Variants in PLCH2 observed in about 807,000 individuals in gnomAD.
PLCH2 encodes the protein 1-phosphatidylinositol 4,5-bisphosphate phosphodiesterase eta-2.
A neutral mutation model predicts 134.7 loss-of-function variants in PLCH2; 98 were observed. The ratio of observed to expected loss-of-function variants is 0.73; its 90% CI spans 0.62 to 0.86. The LOEUF (loss-of-function observed/expected upper bound fraction) is 0.86. PLCH2 is among the 40% of genes least tolerant of loss of function. The pLI is 0.00. For missense variants in PLCH2, 1,994 were observed against 1,986.6 expected (o/e 1.00, Z -0.07); for synonymous variants, 974 against 827.5 (o/e 1.18, Z -3.04).
upstream of PLCH2, among the ~76,000 whole-genome samples, chr1:2,466,239 C>T (rs887996195): frequency 9.2e-5 from 14 of 152,130 alleles, no homozygotes; most frequent in Non-Finnish European, 1.9e-4. Flanking sequence ...GCAGCTGTGC[C>T]CAGCCAGGCG....
Position 2,491,217 on chromosome 1 carries a change from A to G in PLCH2, c.1541A>G (p.Glu514Gly). 1 of 1,613,040 alleles carries G rather than the reference A, an allele frequency of 6.2e-7. No homozygotes were observed. Among genetic ancestry groups the G allele is most frequent in the Non-Finnish European group, 8.5e-7 (1 of 1,179,758 alleles). Residue 514 changes from glutamate to glycine, a missense_variant, in exon 11 of 22, where the codon GAA becomes GGA. By Grantham distance (98) the Glu-to-Gly change is moderately conservative. Coordinates refer to ENST00000378486, the MANE Select transcript of PLCH2 (RefSeq NM_014638.4). ...GCATCCACCAATCGAAAGCGTGTAG[A>G]AAACACTGCTAAGAGGAAACTGGAT... is the stretch of plus-strand genomic sequence containing the variant. ...GDASTNRKRV[E>G]NTAKRKLDSL...
intron 2 of PLCH2, among the ~76,000 whole-genome samples, chr1:2,440,346 G>A (rs909689784): frequency 1.3e-5 from 2 of 152,136 alleles, no homozygotes; most frequent in Admixed American, 1.3e-4. Context: ...AGGAGCACCC[G>A]GCCATGGTGG....
chr1:2,482,066 C>T (rs1377464000), intron 4 of PLCH2, among the ~76,000 whole-genome samples: 12 of 152,362 alleles, frequency 7.9e-5, no homozygotes, highest in Middle Eastern at 3.4e-3. Context: ...GTGCGCTGGG[C>T]GGGCACCGAG....
At chr1:2,463,378 C>T (rs1177513578), upstream of PLCH2, among the ~76,000 whole-genome samples, 1 of 152,250 alleles carries the variant, frequency 6.6e-6, no homozygotes, top group Non-Finnish European at 1.5e-5. Flanking sequence ...ACATGGGGGA[C>T]CTCGCTGTGT....
At chr1:2,434,881 C>T (rs1273710970) in intron 2 of PLCH2, among the ~76,000 whole-genome samples, 3 of 152,218 alleles carry the variant, frequency 2.0e-5, no homozygotes, top group African/African-American at 7.2e-5. Flanking sequence ...TGTCCTCGGG[C>T]GCCCATGCTG....
chr1:2,474,903 C>T (rs1280696584), upstream of PLCH2, among the ~76,000 whole-genome samples: 3 of 152,310 alleles, frequency 2.0e-5, no homozygotes, highest in East Asian at 1.9e-4. Context: ...GCCCCTTACA[C>T]GGTGGCCTTC....
At chr1:2,484,371 G>C in intron 4 of PLCH2, 77 bp from the exon 5 acceptor site, 1 of 1,404,958 alleles carries the variant, frequency 7.1e-7, no homozygotes, top group South Asian at 1.2e-5. Flanking sequence ...ACTGGGGAGT[G>C]GGGTGGTCCT....
intron 2 of PLCH2, among the ~76,000 whole-genome samples, chr1:2,447,649 T>C (rs1314534014): frequency 6.6e-6 from 1 of 152,174 alleles, no homozygotes; most frequent in Non-Finnish European, 1.5e-5. Flanking sequence ...GGCAAGTTGC[T>C]GAAATGTCCC....
chr1:2,440,248 G>A (rs1158745318), intron 2 of PLCH2, among the ~76,000 whole-genome samples: 1 of 152,148 alleles, frequency 6.6e-6, no homozygotes, highest in African/African-American at 2.4e-5. Flanking sequence ...GGGAGCGCCC[G>A]GGAAGGAAGA....
upstream of PLCH2, among the ~76,000 whole-genome samples, chr1:2,476,135 C>G (rs1011249742): frequency 6.6e-6 from 1 of 152,248 alleles, no homozygotes; most frequent in African/African-American, 2.4e-5. Flanking sequence ...GCAGCCCTGA[C>G]CTGGGTCTGG....
At position 2,439,228 on chromosome 1, in the gene PLCH2, C is replaced by A. The variant is rs1406347544; in HGVS notation, c.115+8599C>A. Among the ~76,000 whole-genome samples, 5 of 121,878 alleles carry A rather than the reference C, an allele frequency of 4.1e-5. No homozygotes were observed. Among genetic ancestry groups the A allele is most frequent in the African/African-American group, 1.9e-4 (5 of 27,000 alleles). 80.0% of individuals were successfully genotyped at this position (121,878 alleles called of 152,430 possible). On this transcript the variant is annotated intron_variant, in intron 2 of 3. Transcript: ENST00000609981. This position sits in a 1 kb window ranked among gnomAD's most constrained non-coding sequence, Gnocchi z 4.7. Reference sequence around the variant, plus strand: ...CAATGATTCCTAAGGGCAGGCAGTGCCTATAAAGACCTTTGGCCCCCCCGA... The same window carrying A: ...CAATGATTCCTAAGGGCAGGCAGTGACTATAAAGACCTTTGGCCCCCCCGA...
At chr1:2,503,581 C>G in intron 21 of PLCH2, 1 of 688,904 alleles carries the variant, frequency 1.5e-6, no homozygotes, top group Non-Finnish European at 2.6e-6. Flanking sequence ...CCTGACCAAG[C>G]TTTCCTTTCT....
At position 2,504,940 on chromosome 1, in the gene PLCH2, G is replaced by C. The variant is rs779833344; in HGVS notation, c.3978G>C (p.Glu1326Asp). The C allele has an allele frequency of 6.4e-7, 1 of 1,562,092 alleles. No individual in the cohort carries two copies. The highest frequency in any genetic ancestry group is 1.2e-5 in the South Asian group (1 of 85,370). Residue 1326 changes from glutamate to aspartate, a missense_variant, in exon 22 of 22, where the codon GAG becomes GAC. Glu to Asp is a conservative substitution (Grantham distance 45). Coordinates refer to ENST00000378486, the MANE Select transcript of PLCH2 (RefSeq NM_014638.4). The stretch of plus-strand genomic sequence containing the variant: ...CCACCAGCCTGGGCCCGGCTGGGGA[G>C]GGGGTGGCAGGGGGCCCTGGTTTTG... ...TSPTSLGPAG[E>D]GVAGGPGFVR...
chr1:2,444,260 G>T lies in PLCH2; in HGVS notation c.115+13631G>T, dbSNP rs1276159082. On this transcript the variant is annotated intron_variant, in intron 2 of 3. Coordinates refer to the PLCH2 transcript ENST00000609981. The surrounding 1 kb of genome is among the most constrained non-coding windows in gnomAD (Gnocchi z 4.6). ...GGGCTTCTGCGGAGGTCGCACTGGG[G>T]CTGTGACCGTGCTGAGAATGACCCC... 2.0e-5 allele frequency among the ~76,000 whole-genome samples: 3 copies of T among 152,234 alleles called. No homozygotes were observed. Among genetic ancestry groups the T allele is most frequent in the East Asian group, 3.9e-4 (2 of 5,180 alleles).
At position 2,487,004 on chromosome 1, in the gene PLCH2, A is replaced by G; in HGVS notation, c.910+4A>G. The G allele has an allele frequency of 6.3e-7, 1 of 1,588,838 alleles. No individual in the cohort carries two copies. ...AAGGGGCTGCTGGGCATTGATGGTGAGTGGGGCGCTGCCCTCAGCCCAGCT... is the reference window on the plus strand; with the variant it reads ...AAGGGGCTGCTGGGCATTGATGGTGGGTGGGGCGCTGCCCTCAGCCCAGCT... On this transcript the variant is annotated splice_donor_region_variant and intron_variant, in intron 6 of 21. Coordinates refer to ENST00000378486, the MANE Select transcript of PLCH2 (RefSeq NM_014638.4).
At chr1:2,437,347 T>C (rs1002702024) in intron 2 of PLCH2, among the ~76,000 whole-genome samples, 3 of 152,132 alleles carry the variant, frequency 2.0e-5, no homozygotes, top group African/African-American at 7.2e-5. Flanking sequence ...CCTACTCCTG[T>C]CCAAGACTGA....
At chr1:2,499,813 T>G (rs1643117499) in intron 20 of PLCH2, 93 bp downstream of exon 20, 1 of 1,013,814 alleles carries the variant, frequency 9.9e-7, no homozygotes, top group Non-Finnish European at 1.5e-6. Flanking sequence ...TGCTGGGTCC[T>G]GAACTCAGGC....
chr1:2,502,193 C>T lies in PLCH2; in HGVS notation c.2743C>T (p.Pro915Ser), dbSNP rs963024210. 1.3e-6 allele frequency: 2 copies of T among 1,533,610 alleles called. No individual in the cohort carries two copies. Among genetic ancestry groups the T allele is most frequent in the Non-Finnish European group, 1.8e-6 (2 of 1,142,076 alleles). ...GSLDSHAAGR[P>S]PARPSVSQRI... ...GCTGGACAGTCATGCTGCTGGGCGG[C>T]CCCCGGCCCGGCCCTCCGTTAGCCA... Residue 915 changes from proline to serine, a missense_variant, in exon 21 of 22, where the codon CCC becomes TCC. Around this residue, in one of 2 missense-constraint regions of PLCH2, gnomAD observed 900 missense variants for 752.3 expected, o/e 1.20. Transcript: ENST00000378486.
chr1:2,492,634 T>C (rs1440932525), intron 11 of PLCH2: 1 of 152,272 alleles, frequency 6.6e-6, no homozygotes, highest in Non-Finnish European at 1.5e-5. Context: ...TCTCAGAGTC[T>C]TTGGTACAGG....
Sources: allele counts gnomAD v4.1 joint callset (sites outside exome capture counted in the v4.1 genomes callset), GRCh38; gene constraint gnomAD v4.1.1; regional missense constraint gnomAD v4.1.1; non-coding constraint Gnocchi (gnomAD v3.1); transcripts MANE v1.5; gene names NCBI Gene and HGNC (gene_info 2026-07-23, HGNC 2026-07-21).